The following CCT2 variants were observed in gnomAD, a reference collection of about 807,000 sequenced individuals.
CCT2 encodes the protein chaperonin containing TCP1 subunit 2.
In CCT2, 18 loss-of-function variants were observed where a neutral mutation model predicts 61.8. The ratio of observed to expected loss-of-function variants is 0.29; its 90% CI spans 0.20 to 0.43. The LOEUF is 0.43. CCT2 is among the 20% of genes least tolerant of loss of function. The pLI, the probability that CCT2 is intolerant of heterozygous loss-of-function variation, is 1.00. For missense variants in CCT2, 556 were observed against 656.9 expected (o/e 0.85, Z 1.68); for synonymous variants, 248 against 215.9 (o/e 1.15, Z -1.30).
chr12:69,593,644 A>C (rs566368620), intron 10 of CCT2, 31 bp downstream of exon 10: 1 of 1,285,492 alleles, frequency 7.8e-7, no homozygotes, highest in Non-Finnish European at 1.1e-6. Flanking sequence ...TTTCTAACAA[A>C]CACAATAGTC....
Position 69,597,961 on chromosome 12 carries a change from TC to T in CCT2, c.1232-6del. 6.2e-7 allele frequency: 1 copy of T among 1,608,868 alleles called. No homozygotes were observed. The highest frequency in any genetic ancestry group is 8.5e-7 in the Non-Finnish European group (1 of 1,176,236). The stretch of plus-strand genomic sequence containing the variant: ...TTGCAATATTTTATTGGAATTTTAA[TC>T]TTTAGGCTGTTCTGAGATGTTGATG... On this transcript the variant is annotated splice_polypyrimidine_tract_variant and splice_region_variant and intron_variant, in intron 12 of 15. Transcript: ENST00000299300.
chr12:69,588,034 C>T, intron 5 of CCT2, 28 bp downstream of exon 5: 1 of 1,594,918 alleles, frequency 6.3e-7, no homozygotes, highest in Non-Finnish European at 8.6e-7. Context: ...ACTCTTTTTT[C>T]CTACTGTGTT....
At position 69,598,438 on chromosome 12, in the gene CCT2, A is replaced by G; in HGVS notation, c.1435+17A>G. 1 of 1,496,656 alleles carries G rather than the reference A, an allele frequency of 6.7e-7. No individual in the cohort carries two copies. The highest frequency in any genetic ancestry group is 2.3e-5 in the East Asian group (1 of 42,794). 92.7% of individuals were successfully genotyped at this position (1,496,656 alleles called of 1,614,324 possible). A position where few individuals can be genotyped will look rare whatever the true frequency, so the allele number is the denominator to read the frequency against. ...CTGGATTGGGTAAGCAATCAAGGGG[A>G]ACTTTGTGGCCGTTGTTAAAAGTAA... On this transcript the variant is annotated intron_variant, in intron 14 of 15. Coordinates refer to ENST00000299300, the MANE Select transcript of CCT2 (RefSeq NM_006431.3).
Position 69,586,260 on chromosome 12 carries a change from TC to T in CCT2, c.4-8del. 2.5e-6 allele frequency: 4 copies of T among 1,609,218 alleles called. No homozygotes were observed. Among genetic ancestry groups the T allele is most frequent in the South Asian group, 2.2e-5 (2 of 91,002 alleles). ...ACTTAAACGGAATGCCTCTTGGTTT[TC>T]CTTTTCAGGCGTCCCTTTCCCTTGC... On this transcript the variant is annotated splice_polypyrimidine_tract_variant and intron_variant, in intron 1 of 15. Transcript: ENST00000299300.
intron 8 of CCT2, 167 bp downstream of exon 8, chr12:69,592,326 A>T: frequency 2.5e-6 from 1 of 393,160 alleles, no homozygotes; most frequent in Non-Finnish European, 4.7e-6. Context: ...AAAAAAAAAA[A>T]TACAAAATTA....
At chr12:69,596,477 A>G (rs1282267410) in intron 10 of CCT2, among the ~76,000 whole-genome samples, 1 of 152,210 alleles carries the variant, frequency 6.6e-6, no homozygotes, top group Non-Finnish European at 1.5e-5. Flanking sequence ...TGTTCAGTTT[A>G]CAGCATGGAA....
rs753942731 is a variant in CCT2, at chr12:69,586,735, C to G, written c.79-18C>G. 6.4e-7 allele frequency: 1 copy of G among 1,562,878 alleles called. No individual in the cohort carries two copies. Among genetic ancestry groups the G allele is most frequent in the Non-Finnish European group, 8.7e-7 (1 of 1,148,640 alleles). Reference sequence around the variant, plus strand: ...ACTGTAAAGTTGATTCTGATAATCTCCTTGGTTTTTACTCCAGACTTCTTT... The same window carrying G: ...ACTGTAAAGTTGATTCTGATAATCTGCTTGGTTTTTACTCCAGACTTCTTT... On this transcript the variant is annotated intron_variant, in intron 2 of 15. Coordinates refer to ENST00000299300, the MANE Select transcript of CCT2 (RefSeq NM_006431.3).
In CCT2 at chr12:69,597,779, A is replaced by C; in HGVS notation, c.1231+13A>C. 6.3e-6 allele frequency: 10 copies of C among 1,596,864 alleles called. No homozygotes were observed. Among genetic ancestry groups the C allele is most frequent in the Non-Finnish European group, 8.5e-6 (10 of 1,170,328 alleles). On this transcript the variant is annotated intron_variant, in intron 12 of 15. Transcript: ENST00000299300. ...GTTTATGGAGGAGGTAAGCATTTAG[A>C]AAATGTTGAATATATTTTTAATTTC...
chr12:69,600,065 T>G (rs1186443817), intron 15 of CCT2, 61 bp downstream of exon 15: 9 of 1,421,992 alleles, frequency 6.3e-6, no homozygotes, highest in African/African-American at 1.5e-5. Flanking sequence ...GGAGCTGTAT[T>G]TATTTTATAA....
rs556425259 is a variant in CCT2, at chr12:69,585,789, C to G, written c.3+265C>G. 5.1e-6 allele frequency: 7 copies of G among 1,376,776 alleles called. No individual in the cohort carries two copies. In the East Asian group the frequency reaches 8.1e-5, roughly 16 times the overall value. 85.3% of individuals were successfully genotyped at this position (1,376,776 alleles called of 1,614,324 possible). On this transcript the variant is annotated intron_variant, in intron 1 of 15. Transcript: ENST00000299300. ...CCCGGCAGCCCAGGTCCGCGCCTCA[C>G]CCGGAGCGAAGAAATTTCTAGTGTG...
rs747655156 is a variant in CCT2 at position 69,592,075 on chromosome 12, A to G, written c.666A>G (p.Lys222=). 2.3e-5 allele frequency: 37 copies of G among 1,588,832 alleles called. No homozygotes were observed. In the African/African-American group the frequency reaches 4.7e-4, roughly 20 times the overall value. ...TTATTGTAGGCTTCCTGTTGGATAA[A>G]AAAATTGGAGTAAATCAACCAAAAC... ...SYLDEGFLLD[K]KIGVNQPKRI... is the part of the protein sequence containing the mutation. Residue 222 remains lysine (K), a synonymous_variant, in exon 8 of 16, where the codon AAA becomes AAG. Coordinates refer to ENST00000299300, the MANE Select transcript of CCT2 (RefSeq NM_006431.3).
At chr12:69,589,337 G>T in intron 6 of CCT2, 148 bp from the exon 7 acceptor site, 1 of 616,328 alleles carries the variant, frequency 1.6e-6, no homozygotes, top group Non-Finnish European at 2.8e-6. Flanking sequence ...TTTAATTTGT[G>T]TTTCTTGATT....
At chr12:69,590,719 C>CTT (rs3970807) in intron 7 of CCT2, among the ~76,000 whole-genome samples, 57,867 of 139,782 alleles carry the variant, frequency 0.41, 12,809 homozygotes, top group East Asian at 0.63. Context: ...TGTAGCATTT[C>CTT]TTTTTTTTTT....
At chr12:69,586,236 C>A in intron 1 of CCT2, 34 bp from the exon 2 acceptor site, 1 of 1,524,658 alleles carries the variant, frequency 6.6e-7, no homozygotes, top group Non-Finnish European at 9.1e-7. Context: ...AGTATTGGTA[C>A]TTAAACGGAA....
In CCT2 at chr12:69,598,431, C is replaced by G; in HGVS notation, c.1435+10C>G. Reference sequence around the variant, plus strand: ...ACCACTGCTGGATTGGGTAAGCAATCAAGGGGAACTTTGTGGCCGTTGTTA... The same window carrying G: ...ACCACTGCTGGATTGGGTAAGCAATGAAGGGGAACTTTGTGGCCGTTGTTA... On this transcript the variant is annotated intron_variant, in intron 14 of 15. Coordinates refer to ENST00000299300, the MANE Select transcript of CCT2 (RefSeq NM_006431.3). 1 of 1,526,598 alleles carries G rather than the reference C, an allele frequency of 6.6e-7. No individual in the cohort carries two copies. 94.6% of individuals were successfully genotyped at this position (1,526,598 alleles called of 1,614,324 possible).
At chr12:69,593,309 A>G (rs976941146) in intron 9 of CCT2, among the ~76,000 whole-genome samples, 1 of 152,116 alleles carries the variant, frequency 6.6e-6, no homozygotes, top group Non-Finnish European at 1.5e-5. Flanking sequence ...TTACTATAAT[A>G]AAGAACACTT....
In CCT2 at chr12:69,586,250, C is replaced by G; in HGVS notation, c.4-20C>G. On this transcript the variant is annotated intron_variant, in intron 1 of 15. Transcript: ENST00000299300. ...GAGTATTGGTACTTAAACGGAATGC[C>G]TCTTGGTTTTCCTTTTCAGGCGTCC... 6.3e-7 allele frequency: 1 copy of G among 1,590,962 alleles called. No homozygotes were observed. The highest frequency in any genetic ancestry group is 8.6e-7 in the Non-Finnish European group (1 of 1,158,816).
intron 9 of CCT2, among the ~76,000 whole-genome samples, 160 bp from the exon 10 acceptor site, chr12:69,593,350 A>G (rs914166454): frequency 6.6e-6 from 1 of 152,252 alleles, no homozygotes; most frequent in Admixed American, 6.5e-5. Context: ...ATGCATTAGT[A>G]CTATAGTTGA....
At chr12:69,599,125 T>TC (rs1882078340) in intron 14 of CCT2, among the ~76,000 whole-genome samples, 1 of 152,178 alleles carries the variant, frequency 6.6e-6, no homozygotes, top group Non-Finnish European at 1.5e-5. Flanking sequence ...CTTGCTCTGT[T>TC]CCCCAGGCTG....
Sources: allele counts gnomAD v4.1 joint callset (sites outside exome capture counted in the v4.1 genomes callset), GRCh38; gene constraint gnomAD v4.1.1; transcripts MANE v1.5; gene names NCBI Gene and HGNC (gene_info 2026-07-23, HGNC 2026-07-21).